The following UNC5C variants were observed in gnomAD, a reference collection of about 807,000 sequenced individuals.
UNC5C encodes the protein unc-5 netrin receptor C.
Under a neutral mutation model 99.8 loss-of-function variants are expected in UNC5C, and 47 were observed. The ratio of observed to expected loss-of-function variants is 0.47; its 90% CI spans 0.37 to 0.60. UNC5C has a LOEUF of 0.60. UNC5C is among the 20% of genes least tolerant of loss of function. The pLI, the probability that UNC5C is intolerant of heterozygous loss-of-function variation, is 0.00. For missense variants in UNC5C, 1,062 were observed against 1,165.9 expected, an observed-to-expected ratio of 0.91 and a Z score of 1.30; for synonymous variants, 487 against 452.2, an observed-to-expected ratio of 1.08 and a Z score of -0.98.
chr4:95,507,539 C>T lies in UNC5C; in HGVS notation c.124+41195G>A, dbSNP rs184143912. Among the ~76,000 whole-genome samples the T allele has an allele frequency of 5.1e-3, 772 of 152,044 alleles. 9 individuals carry two copies. Among genetic ancestry groups the T allele is most frequent in the African/African-American group, 0.017 (716 of 41,518 alleles). The stretch of plus-strand genomic sequence containing the variant: ...ATTAGTTTCCTCTCTGATTTTTCTT[C>T]CTCTACACACTTGTAGCACTTAGCG... On this transcript the variant is annotated intron_variant, in intron 1 of 15. Transcript: ENST00000453304.
chr4:95,310,030 A>G (rs961270290), intron 2 of UNC5C, among the ~76,000 whole-genome samples: 5 of 152,206 alleles, frequency 3.3e-5, no homozygotes, highest in African/African-American at 1.2e-4. Context: ...AAGACATGGG[A>G]TTAACCTAAG....
chr4:95,356,242 C>T (rs1560801918), intron 1 of UNC5C, among the ~76,000 whole-genome samples: 1 of 141,324 alleles, frequency 7.1e-6, no homozygotes, highest in African/African-American at 2.7e-5. Flanking sequence ...ATTCCTCGTT[C>T]TTCCTCATTC....
intron 3 of UNC5C, among the ~76,000 whole-genome samples, chr4:95,280,619 G>A (rs1282118998): frequency 1.3e-5 from 2 of 151,714 alleles, no homozygotes; most frequent in Non-Finnish European, 2.9e-5. Context: ...AACCCAGGAG[G>A]CGGAGGTTGC....
intron 12 of UNC5C, among the ~76,000 whole-genome samples, chr4:95,201,609 CT>C (rs748815532): frequency 0.035 from 5,045 of 144,746 alleles, 77 homozygotes; most frequent in South Asian, 0.065. Flanking sequence ...AGAGAGTCTT[CT>C]TTTTTTTTTT....
intron 1 of UNC5C, among the ~76,000 whole-genome samples, chr4:95,376,101 A>G (rs932599701): frequency 1.1e-4 from 16 of 151,908 alleles, no homozygotes; most frequent in African/African-American, 3.9e-4. Context: ...TACAGAATAA[A>G]CAGAATCAAT....
intron 6 of UNC5C, 128 bp from the exon 7 acceptor site, chr4:95,242,721 C>G: frequency 6.4e-6 from 7 of 1,095,934 alleles, no homozygotes; most frequent in Non-Finnish European, 8.8e-6. Context: ...GCACTGTATT[C>G]ATTTCAATTG....
At chr4:95,431,621 C>T (rs187117778) in intron 1 of UNC5C, among the ~76,000 whole-genome samples, 4 of 152,150 alleles carry the variant, frequency 2.6e-5, no homozygotes, top group Admixed American at 2.0e-4. Flanking sequence ...TCACAACTCT[C>T]TAGGTGGTTT....
chr4:95,359,641 G>A (rs944817738), intron 1 of UNC5C, among the ~76,000 whole-genome samples: 1 of 151,962 alleles, frequency 6.6e-6, no homozygotes, highest in African/African-American at 2.4e-5. Context: ...TTGAAACTTT[G>A]AGTGTGTCCC....
chr4:95,331,704 T>C (rs1281769184), intron 2 of UNC5C, among the ~76,000 whole-genome samples: 1 of 152,114 alleles, frequency 6.6e-6, no homozygotes, highest in East Asian at 1.9e-4. Context: ...GTCTTATTCA[T>C]TGATGTATGT....
At chr4:95,482,509 G>A (rs1223148241) in intron 1 of UNC5C, among the ~76,000 whole-genome samples, 2 of 148,822 alleles carry the variant, frequency 1.3e-5, no homozygotes, top group Non-Finnish European at 3.0e-5. Flanking sequence ...CCATTACTGG[G>A]TATATACCCA....
chr4:95,177,983 C>T (rs113835101), intron 14 of UNC5C, among the ~76,000 whole-genome samples: 2,110 of 152,016 alleles, frequency 0.014, 56 homozygotes, highest in African/African-American at 0.047. Flanking sequence ...CATGGGATTA[C>T]AGGTGTGAGC....
chr4:95,201,785 T>C (rs1737674232), intron 12 of UNC5C, among the ~76,000 whole-genome samples: 1 of 152,108 alleles, frequency 6.6e-6, no homozygotes, highest in Admixed American at 6.6e-5. Context: ...TTTGTATTTT[T>C]AGTAGAGACG....
intron 2 of UNC5C, among the ~76,000 whole-genome samples, chr4:95,334,625 C>T (rs1169172383): frequency 6.6e-6 from 1 of 151,922 alleles, no homozygotes; most frequent in Admixed American, 6.6e-5. Context: ...CCTAATTTAT[C>T]CATTGTGTAG....
chr4:95,366,704 GA>G (rs1266871325), intron 1 of UNC5C, among the ~76,000 whole-genome samples: 1 of 152,174 alleles, frequency 6.6e-6, no homozygotes, highest in African/African-American at 2.4e-5. Context: ...ACAACCCTAA[GA>G]GGTCTTCTGA....
chr4:95,421,578 A>G (rs1388299352), intron 1 of UNC5C, among the ~76,000 whole-genome samples: 1 of 151,382 alleles, frequency 6.6e-6, no homozygotes, highest in Non-Finnish European at 1.5e-5. Context: ...TCAGAATGTT[A>G]AAACCAAGAT....
intron 1 of UNC5C, among the ~76,000 whole-genome samples, chr4:95,399,736 C>T (rs1745632667): frequency 6.6e-6 from 1 of 152,180 alleles, no homozygotes; most frequent in Non-Finnish European, 1.5e-5. Flanking sequence ...CCCTGATCAC[C>T]AACTTCAAAG....
Position 95,242,420 on chromosome 4 carries a change from T to A in UNC5C, c.1108+9A>T. 6.2e-7 allele frequency: 1 copy of A among 1,614,070 alleles called. No individual in the cohort carries two copies. The highest frequency in any genetic ancestry group is 2.2e-5 in the East Asian group (1 of 44,852). The stretch of plus-strand genomic sequence containing the variant: ...CCTCAATGTCTGCAGTTTGCTTAAA[T>A]TGACTTACTCTGCATGCAAAGCCCA... On this transcript the variant is annotated intron_variant, in intron 7 of 15. Transcript: ENST00000453304.
intron 4 of UNC5C, 29 bp downstream of exon 4, chr4:95,278,230 G>A: frequency 3.2e-6 from 5 of 1,573,204 alleles, no homozygotes; most frequent in Non-Finnish European, 4.4e-6. Flanking sequence ...AGTGCCAATT[G>A]CTAAATGCAA....
intron 1 of UNC5C, among the ~76,000 whole-genome samples, chr4:95,419,048 A>T (rs2149455294): frequency 6.6e-6 from 1 of 151,492 alleles, no homozygotes; most frequent in East Asian, 1.9e-4. Flanking sequence ...TTTTTCCCAT[A>T]AAGAGATATT....
Sources: allele counts gnomAD v4.1 joint callset (sites outside exome capture counted in the v4.1 genomes callset), GRCh38; gene constraint gnomAD v4.1.1; transcripts MANE v1.5; gene names NCBI Gene and HGNC (gene_info 2026-07-23, HGNC 2026-07-21).